CELF2: variants seen among roughly 807,000 people sequenced by gnomAD.
CELF2 encodes CUGBP Elav-like family member 2, also known as CUG triplet repeat RNA-binding protein 2.
A neutral mutation model predicts 62.6 loss-of-function variants in CELF2; 8 were observed. The observed-to-expected ratio is 0.13, with a 90% confidence interval of 0.07 to 0.23. The LOEUF is 0.23. Ranked by LOEUF, CELF2 falls within the 10% of genes least tolerant of loss-of-function variation. The probability of loss-of-function intolerance (pLI) is 1.00; values close to 1 mark genes in which losing one functional copy is unlikely to be tolerated. For synonymous variants in CELF2, 258 were observed against 250.0 expected, an observed-to-expected ratio of 1.03 and a Z score of -0.30; for missense variants, 333 against 671.0, an observed-to-expected ratio of 0.50 and a Z score of 5.56.
At chr10:10,614,850 G>T in the CELF2 span, among the ~76,000 whole-genome samples, 1 of 152,052 alleles carries the variant, frequency 6.6e-6, no homozygotes, top group African/African-American at 2.4e-5. Flanking sequence ...TGAAGAATCT[G>T]TTCTTCAGGA....
At chr10:10,755,332 AATC>A in the CELF2 span, among the ~76,000 whole-genome samples, 1 of 152,176 alleles carries the variant, frequency 6.6e-6, no homozygotes, top group East Asian at 1.9e-4. Context: ...TTACAATTCT[AATC>A]ATATTGTTCT....
At chr10:11,148,002 A>G (rs1245071125) in intron 1 of CELF2, among the ~76,000 whole-genome samples, 1 of 152,246 alleles carries the variant, frequency 6.6e-6, no homozygotes, top group Admixed American at 6.5e-5. Flanking sequence ...GAAATAGTAC[A>G]TGTATGTAAG....
At chr10:11,048,143 A>G (rs993534874) in intron 1 of CELF2, among the ~76,000 whole-genome samples, 4 of 152,224 alleles carry the variant, frequency 2.6e-5, no homozygotes, top group African/African-American at 9.6e-5. Flanking sequence ...CCTGCAATGT[A>G]GCTTTTCTCA....
chr10:11,027,510 A>G (rs2059416676), intron 1 of CELF2, among the ~76,000 whole-genome samples: 1 of 152,108 alleles, frequency 6.6e-6, no homozygotes, highest in Non-Finnish European at 1.5e-5. Flanking sequence ...AGTACTTGCT[A>G]CAGAATTTAC....
intron 1 of CELF2, among the ~76,000 whole-genome samples, chr10:10,913,737 A>G (rs552937499): frequency 6.6e-6 from 1 of 151,602 alleles, no homozygotes; most frequent in South Asian, 2.1e-4. Flanking sequence ...TTTATTTGAA[A>G]ATGGATCCAA....
chr10:10,473,089 T>G, the CELF2 span, among the ~76,000 whole-genome samples: 1 of 152,002 alleles, frequency 6.6e-6, no homozygotes, highest in African/African-American at 2.4e-5. Context: ...GTTGAAGTCA[T>G]AATTTCCATT....
chr10:11,324,337 A>G lies in CELF2; in HGVS notation c.1295-1499A>G, dbSNP rs2095613268. Among the ~76,000 whole-genome samples, 1 of 152,216 alleles carries G rather than the reference A, an allele frequency of 6.6e-6. No individual in the cohort carries two copies. Among genetic ancestry groups the G allele is most frequent in the African/African-American group, 2.4e-5 (1 of 41,452 alleles). Reference sequence around the variant, plus strand: ...GTAGCACCAAATCTGACCATCAGACATACCACCCAGGATGTGCACACACAG... The same window carrying G: ...GTAGCACCAAATCTGACCATCAGACGTACCACCCAGGATGTGCACACACAG... On this transcript the variant is annotated intron_variant, in intron 11 of 12. Coordinates refer to ENST00000633077, the MANE Select transcript of CELF2 (RefSeq NM_001326342.2). This position sits in a 1 kb window ranked among gnomAD's most constrained non-coding sequence, Gnocchi z 4.7.
In CELF2 at chr10:11,115,593, A is replaced by G. The variant is rs2056385932; in HGVS notation, c.75-49893A>G. On this transcript the variant is annotated intron_variant, in intron 1 of 12. Transcript: ENST00000633077. ...ATTGGCGCCAGTGGCAGGCAGCAGT[A>G]TTTTTAGAGAAGCGAATGATATGGA... 4.6e-5 allele frequency among the ~76,000 whole-genome samples: 7 copies of G among 152,322 alleles called. No homozygotes were observed. The South Asian group carries it at 1.5e-3, about 32-fold the overall frequency.
chr10:10,675,381 T>G, the CELF2 span, among the ~76,000 whole-genome samples: 2 of 151,756 alleles, frequency 1.3e-5, no homozygotes, highest in South Asian at 2.1e-4. Context: ...TAAGCGGGGG[T>G]TTTTTCCCTT....
intron 2 of CELF2, among the ~76,000 whole-genome samples, chr10:10,941,504 A>G (rs2047046178): frequency 6.6e-6 from 1 of 152,168 alleles, no homozygotes; most frequent in African/African-American, 2.4e-5. Flanking sequence ...GGAAAACAAG[A>G]TATTTTGGGA....
chr10:10,796,831 T>G, upstream of CELF2: 6 of 942,580 alleles, frequency 6.4e-6, no homozygotes, highest in South Asian at 9.8e-5. Flanking sequence ...CGCTGTGGTC[T>G]GAGATTCACA....
chr10:10,517,273 C>T, the CELF2 span, among the ~76,000 whole-genome samples: 1 of 152,036 alleles, frequency 6.6e-6, no homozygotes, highest in African/African-American at 2.4e-5. Context: ...GGGGAACTGG[C>T]CTGAAGTGGT....
intron 2 of CELF2, among the ~76,000 whole-genome samples, chr10:11,190,229 G>T (rs772799194): frequency 6.6e-6 from 1 of 152,126 alleles, no homozygotes; most frequent in African/African-American, 2.4e-5. Context: ...TTTACAGTGC[G>T]TACACAGTAG....
chr10:10,470,404 C>G, the CELF2 span, among the ~76,000 whole-genome samples: 18 of 151,890 alleles, frequency 1.2e-4, no homozygotes, highest in East Asian at 3.1e-3. Context: ...ACAGATCTCA[C>G]TAGACAAAAA....
At chr10:11,282,408 C>T (rs1037997019) in intron 8 of CELF2, among the ~76,000 whole-genome samples, 1 of 152,128 alleles carries the variant, frequency 6.6e-6, no homozygotes, top group Non-Finnish European at 1.5e-5. Context: ...TCTTCATGCC[C>T]GTTTCCTCTG....
At chr10:11,041,180 A>C (rs1005637119) in intron 1 of CELF2, among the ~76,000 whole-genome samples, 1 of 152,186 alleles carries the variant, frequency 6.6e-6, no homozygotes, top group African/African-American at 2.4e-5. Context: ...TAATTCCATC[A>C]CGGGAGCTCC....
chr10:10,717,388 A>G, the CELF2 span, among the ~76,000 whole-genome samples: 1 of 152,164 alleles, frequency 6.6e-6, no homozygotes, highest in South Asian at 2.1e-4. Context: ...TAAAAAAAAA[A>G]AGTATCTTAG....
chr10:11,131,844 G>A (rs535229061), intron 1 of CELF2, among the ~76,000 whole-genome samples: 4 of 152,232 alleles, frequency 2.6e-5, no homozygotes, highest in African/African-American at 7.2e-5. Flanking sequence ...CTAGTATTGC[G>A]GCTGGTTAGA....
chr10:11,025,239 G>GTGTA (rs61580670), intron 1 of CELF2, among the ~76,000 whole-genome samples: 3 of 141,086 alleles, frequency 2.1e-5, no homozygotes, highest in South Asian at 2.3e-4. Flanking sequence ...GTGTGTGTGT[G>GTGTA]TATATGTATG....
Sources: gnomAD v4.1 joint callset for allele counts (sites outside exome capture counted in the v4.1 genomes callset) on GRCh38, gnomAD v4.1.1 for gene constraint, Gnocchi (gnomAD v3.1) non-coding constraint, MANE v1.5 for transcripts, NCBI Gene and HGNC (gene_info 2026-07-23, HGNC 2026-07-21) for gene names.